CTCFL: variants seen among roughly 807,000 people sequenced by gnomAD.
CTCFL encodes CCCTC-binding factor like.
CTCFL carries 36 observed loss-of-function variants against 67.4 expected under a neutral mutation model. The observed-to-expected ratio is 0.53, with a 90% confidence interval of 0.41 to 0.71. CTCFL has a LOEUF of 0.71. CTCFL is among the 30% of genes least tolerant of loss of function. The pLI is 0.00. For missense variants in CTCFL, 786 were observed against 835.2 expected (o/e 0.94, Z 0.73); for synonymous variants, 324 against 302.3 (o/e 1.07, Z -0.75).
At chr20:57,508,865 T>C in intron 8 of CTCFL, 77 bp from the exon 9 acceptor site, 1 of 1,291,280 alleles carries the variant, frequency 7.7e-7, no homozygotes, top group South Asian at 1.4e-5. Flanking sequence ...TATCATACAA[T>C]ACCTTTTATT....
At chr20:57,504,149 T>C (rs1202715103) in intron 9 of CTCFL, among the ~76,000 whole-genome samples, 2 of 150,606 alleles carry the variant, frequency 1.3e-5, no homozygotes, top group African/African-American at 4.9e-5. Context: ...GCTGATTTTT[T>C]ATATTTTTAG....
At chr20:57,515,691 G>C (rs753984723) in intron 6 of CTCFL, 23 bp downstream of exon 6, 14 of 1,614,034 alleles carry the variant, frequency 8.7e-6, no homozygotes, top group Middle Eastern at 1.7e-4. Flanking sequence ...TAGGTATCAG[G>C]CCTTCAGCAC....
At chr20:57,513,222 T>C in intron 7 of CTCFL, 1 of 981,088 alleles carries the variant, frequency 1.0e-6, no homozygotes, top group Non-Finnish European at 1.2e-6. Context: ...AAAGATATAA[T>C]ATCTTTATTT....
chr20:57,518,616 G>A (rs1476811690), intron 5 of CTCFL, 142 bp downstream of exon 5: 2 of 1,533,004 alleles, frequency 1.3e-6, no homozygotes, highest in Non-Finnish European at 1.8e-6. Flanking sequence ...AAAAGAGAAT[G>A]CATATTATTT....
chr20:57,514,872 A>G (rs1472202936), intron 6 of CTCFL, 131 bp from the exon 7 acceptor site: 3 of 892,330 alleles, frequency 3.4e-6, no homozygotes, highest in East Asian at 5.1e-5. Context: ...ACAACCCCCA[A>G]TTAGTATGAG....
At chr20:57,514,440 C>A in intron 7 of CTCFL, 152 bp downstream of exon 7, 1 of 844,100 alleles carries the variant, frequency 1.2e-6, no homozygotes, top group African/African-American at 1.7e-5. Flanking sequence ...CCAGATGGTG[C>A]GACAGGACTT....
At chr20:57,498,906 C>T (rs958121837) in intron 10 of CTCFL, among the ~76,000 whole-genome samples, 20 of 152,162 alleles carry the variant, frequency 1.3e-4, no homozygotes, top group African/African-American at 2.2e-4. Flanking sequence ...GCGCTACAGA[C>T]GTTTGGGGCC....
chr20:57,507,777 T>G lies in CTCFL; in HGVS notation c.1674+829A>C, dbSNP rs907497895. ...CCACCCAGTTCAGCCACTTCCGAGTTCCCAACCCAGAGAATCTGTCAGGTG... is the reference window on the plus strand; with the variant it reads ...CCACCCAGTTCAGCCACTTCCGAGTGCCCAACCCAGAGAATCTGTCAGGTG... On this transcript the variant is annotated intron_variant, in intron 9 of 10. Coordinates refer to ENST00000243914, the MANE Select transcript of CTCFL (RefSeq NM_001386993.1). The G allele has an allele frequency of 6.5e-5, 46 of 702,902 alleles. No individual in the cohort carries two copies. The African/African-American group carries it at 7.0e-4, about 11-fold the overall frequency. 43.5% of individuals were successfully genotyped at this position (702,902 alleles called of 1,614,324 possible).
intron 10 of CTCFL, among the ~76,000 whole-genome samples, chr20:57,502,874 AT>A (rs1365743234): frequency 2.0e-5 from 3 of 152,202 alleles, no homozygotes; most frequent in African/African-American, 7.2e-5. Flanking sequence ...TAAATCCTAA[AT>A]GATAAATGTC....
intron 9 of CTCFL, chr20:57,507,012 T>C (rs960098628): frequency 2.0e-6 from 2 of 985,126 alleles, no homozygotes; most frequent in Non-Finnish European, 2.4e-6. Flanking sequence ...GAAATTCAAC[T>C]TTTATAAAAC....
At chr20:57,506,399 G>A (rs1399253118) in intron 9 of CTCFL, among the ~76,000 whole-genome samples, 1 of 152,180 alleles carries the variant, frequency 6.6e-6, no homozygotes, top group Non-Finnish European at 1.5e-5. Flanking sequence ...CACCTCCTGG[G>A]TTCAAGCAAT....
intron 1 of CTCFL, chr20:57,524,501 A>G (rs953590557): frequency 6.6e-6 from 8 of 1,209,418 alleles, no homozygotes; most frequent in Non-Finnish European, 8.3e-6. Flanking sequence ...GCGCCTGGCA[A>G]GGTTCCGCCT....
chr20:57,507,876 C>T, intron 9 of CTCFL: 1 of 702,946 alleles, frequency 1.4e-6, no homozygotes, highest in African/African-American at 1.7e-5. Context: ...TAATACAACA[C>T]CTAAAAGAAT....
In CTCFL at chr20:57,523,938, C is replaced by G; in HGVS notation, c.268G>C (p.Glu90Gln). Reference protein sequence around the residue: ...LTLQTVHFTSEAVELQDMSLL... With the variant: ...LTLQTVHFTSQAVELQDMSLL... Reference sequence around the variant, plus strand: ...CTCATATCCTGCAACTCCACAGCTTCAGAAGTGAAGTGCACCGTCTGCAGG... The same window carrying G: ...CTCATATCCTGCAACTCCACAGCTTGAGAAGTGAAGTGCACCGTCTGCAGG... The change falls in exon 2 of 11, where the codon GAA becomes CAA. Residue 90 changes from glutamate to glutamine, a missense_variant. Transcript: ENST00000243914. 1 of 1,613,144 alleles carries G rather than the reference C, an allele frequency of 6.2e-7. No individual in the cohort carries two copies.
At position 57,504,271 on chromosome 20, in the gene CTCFL, C is replaced by CA. The variant is rs1483127689; in HGVS notation, c.1675-671_1675-670insT. ...GATTACAGGCATGAGCCACTGCACC[C>CA]GCCCCCCGTCTCCTTTTTTTTTTTT... On this transcript the variant is annotated intron_variant, in intron 9 of 10. Coordinates refer to ENST00000243914, the MANE Select transcript of CTCFL (RefSeq NM_001386993.1). 6.0e-5 allele frequency among the ~76,000 whole-genome samples: 9 copies of CA among 149,078 alleles called. No individual in the cohort carries two copies. The East Asian group carries it at 1.4e-3, about 24-fold the overall frequency.
intron 3 of CTCFL, among the ~76,000 whole-genome samples, chr20:57,521,128 C>T (rs1240305917): frequency 6.6e-6 from 1 of 152,234 alleles, no homozygotes; most frequent in Non-Finnish European, 1.5e-5. Context: ...ACCTCAATTT[C>T]ACACTCGTAG....
Position 57,518,971 on chromosome 20 carries a change from A to G in CTCFL, c.926-80T>C, listed in dbSNP as rs192567115. On this transcript the variant is annotated intron_variant, in intron 4 of 10. Transcript: ENST00000243914. ...AAGGAATTCATAGCTTTTTAATTACACTCAGTCTCAAAAATGCTTTAAAAA... is the reference window on the plus strand; with the variant it reads ...AAGGAATTCATAGCTTTTTAATTACGCTCAGTCTCAAAAATGCTTTAAAAA... 5.5e-4 allele frequency: 814 copies of G among 1,472,594 alleles called. 2 individuals carry two copies. In the African/African-American group the frequency reaches 0.011, roughly 20 times the overall value. 91.2% of individuals were successfully genotyped at this position (1,472,594 alleles called of 1,614,324 possible).
chr20:57,503,605 T>C lies in CTCFL; in HGVS notation c.1675-4A>G, dbSNP rs747006188. 6.2e-7 allele frequency: 1 copy of C among 1,613,950 alleles called. No homozygotes were observed. Among genetic ancestry groups the C allele is most frequent in the South Asian group, 1.1e-5 (1 of 91,076 alleles). On this transcript the variant is annotated splice_polypyrimidine_tract_variant and splice_region_variant and intron_variant, in intron 9 of 10. Coordinates refer to ENST00000243914, the MANE Select transcript of CTCFL (RefSeq NM_001386993.1). Reference sequence around the variant, plus strand: ...CCGAATGTCTGTGCAGGTTAATCTGTCGGAGAATTGACACAGAACACACAA... The same window carrying C: ...CCGAATGTCTGTGCAGGTTAATCTGCCGGAGAATTGACACAGAACACACAA...
chr20:57,501,852 A>G (rs1463059124), intron 10 of CTCFL, among the ~76,000 whole-genome samples: 1 of 152,108 alleles, frequency 6.6e-6, no homozygotes, highest in Non-Finnish European at 1.5e-5. Flanking sequence ...TGGAAAAGTT[A>G]TTGGTGCTGA....
Sources: gnomAD v4.1 joint callset for allele counts (sites outside exome capture counted in the v4.1 genomes callset) on GRCh38, gnomAD v4.1.1 for gene constraint, MANE v1.5 for transcripts, NCBI Gene and HGNC (gene_info 2026-07-23, HGNC 2026-07-21) for gene names.